OTOP1: variants seen among roughly 807,000 people sequenced by gnomAD.
OTOP1 encodes the protein proton channel OTOP1.
OTOP1 carries 59 observed loss-of-function variants against 52.9 expected under a neutral mutation model. The ratio of observed to expected loss-of-function variants is 1.12; its 90% CI spans 0.91 to 1.39. OTOP1 has a LOEUF of 1.39. Ranked by LOEUF, OTOP1 falls within the 40% of genes most tolerant of loss-of-function variation. OTOP1 has a pLI of 0.00. For missense variants in OTOP1, 761 were observed against 800.9 expected (o/e 0.95, Z 0.60); for synonymous variants, 317 against 337.7 (o/e 0.94, Z 0.67).
intron 1 of OTOP1, among the ~76,000 whole-genome samples, chr4:4,216,202 T>C (rs1196012816): frequency 2.0e-5 from 3 of 152,178 alleles, no homozygotes; most frequent in Non-Finnish European, 4.4e-5. Context: ...TCTTTGATAA[T>C]ATAATGAGCA....
intron 1 of OTOP1, among the ~76,000 whole-genome samples, chr4:4,224,699 C>T (rs1486426551): frequency 1.3e-5 from 2 of 152,214 alleles, no homozygotes; most frequent in Non-Finnish European, 2.9e-5. Flanking sequence ...TGTCAAATTT[C>T]CCCAAAAGCA....
chr4:4,198,778 G>A (rs1716710524), intron 4 of OTOP1, among the ~76,000 whole-genome samples: 1 of 152,180 alleles, frequency 6.6e-6, no homozygotes, highest in Non-Finnish European at 1.5e-5. Flanking sequence ...GGCAGATGCT[G>A]TAAGTAAATG....
chr4:4,212,941 A>G lies in OTOP1; in HGVS notation c.467T>C (p.Ile156Thr). 2 of 1,614,080 alleles carry G rather than the reference A, an allele frequency of 1.2e-6. No individual in the cohort carries two copies. The highest frequency in any genetic ancestry group is 1.1e-5 in the South Asian group (1 of 91,080). The change falls in exon 2 of 6, where the codon ATT becomes ACT. Residue 156 changes from isoleucine to threonine, a missense_variant. Physicochemically the swap from Ile to Thr is moderately conservative, Grantham distance 89 (BLOSUM62 -1). Around this residue, in one of 3 missense-constraint regions of OTOP1, gnomAD observed 632 missense variants for 619.5 expected, o/e 1.02. Coordinates refer to ENST00000296358, the MANE Select transcript of OTOP1 (RefSeq NM_177998.3). ...ILGCLKIGYF[I>T]GFSECLSATE... ...GGCTGATAAACATTCTGAAAATCCA[A>G]TGAAGTATCCAATTTTAAGGCATCC... is the stretch of plus-strand genomic sequence containing the variant.
At chr4:4,194,120 C>T (rs1166938768) in intron 5 of OTOP1, among the ~76,000 whole-genome samples, 2 of 152,114 alleles carry the variant, frequency 1.3e-5, no homozygotes, top group Non-Finnish European at 2.9e-5. Flanking sequence ...ACCTGGGAGG[C>T]GGAGGTTGCA....
chr4:4,206,142 T>C lies in OTOP1; in HGVS notation c.541-12A>G, dbSNP rs1384380737. 6.3e-7 allele frequency: 1 copy of C among 1,590,276 alleles called. No homozygotes were observed. Reference sequence around the variant, plus strand: ...CAAAGAAAATATACCTAGATGGAAATAAAGAAAGAAAAGAAAAATCGGTGA... The same window carrying C: ...CAAAGAAAATATACCTAGATGGAAACAAAGAAAGAAAAGAAAAATCGGTGA... On this transcript the variant is annotated splice_polypyrimidine_tract_variant and intron_variant, in intron 2 of 5. Coordinates refer to ENST00000296358, the MANE Select transcript of OTOP1 (RefSeq NM_177998.3).
Position 4,197,614 on chromosome 4 carries a change from C to A in OTOP1, c.1220G>T (p.Gly407Val). Residue 407 changes from glycine to valine, a missense_variant, in exon 5 of 6, where the codon GGC (glycine) becomes GTC (valine). Transcript: ENST00000296358. ...AGCACAGAGGATGGCCAAGATTGAG[C>A]CCCAGGAGATAAGCCAGGAGCCCGA... ...TASGSWLISW[G>V]SILAILCAEG... The A allele has an allele frequency of 6.2e-7, 1 of 1,613,858 alleles. No homozygotes were observed. The highest frequency in any genetic ancestry group is 8.5e-7 in the Non-Finnish European group (1 of 1,179,966).
chr4:4,207,631 C>T (rs1226833775), intron 2 of OTOP1, among the ~76,000 whole-genome samples: 1 of 150,520 alleles, frequency 6.6e-6, no homozygotes, highest in African/African-American at 2.5e-5. Flanking sequence ...GAAGTGAAAG[C>T]AAGTTCTCAC....
chr4:4,205,596 C>G (rs1479206176), intron 3 of OTOP1, among the ~76,000 whole-genome samples: 2 of 152,102 alleles, frequency 1.3e-5, no homozygotes, highest in Non-Finnish European at 2.9e-5. Flanking sequence ...ACTGTCGAAG[C>G]AAGGCCCCTA....
intron 2 of OTOP1, among the ~76,000 whole-genome samples, chr4:4,208,766 T>C (rs998610958): frequency 3.0e-5 from 4 of 132,738 alleles, no homozygotes; most frequent in African/African-American, 1.2e-4. Flanking sequence ...GTAAGTGTTA[T>C]GTGATTGTCA....
intron 5 of OTOP1, among the ~76,000 whole-genome samples, chr4:4,191,332 C>G (rs1197842434): frequency 6.6e-6 from 1 of 152,182 alleles, no homozygotes; most frequent in Non-Finnish European, 1.5e-5. Flanking sequence ...CACTAGGGCT[C>G]TACTCGGCCA....
intron 5 of OTOP1, among the ~76,000 whole-genome samples, chr4:4,189,771 C>T (rs2980110): frequency 0.11 from 17,100 of 152,266 alleles, 1,134 homozygotes; most frequent in East Asian, 0.29. Context: ...CCAGGGAGTA[C>T]TCCCGTCAAC....
At chr4:4,206,283 TCAATGGGGA>T in intron 2 of OTOP1, among the ~76,000 whole-genome samples, 153 bp from the exon 3 acceptor site, 1 of 152,202 alleles carries the variant, frequency 6.6e-6, no homozygotes, top group African/African-American at 2.4e-5. Context: ...GTGCCACTCC[TCAATGGGGA>T]CAATGATCCA....
chr4:4,202,530 A>G lies in OTOP1; in HGVS notation c.648T>C (p.Asn216=), dbSNP rs372065263. Residue 216 remains asparagine, a synonymous_variant, in exon 4 of 6, where the codon AAT becomes AAC. Coordinates refer to ENST00000296358, the MANE Select transcript of OTOP1 (RefSeq NM_177998.3). ...GGTGCTTTGACTCATTGAGGACGCC[A>G]TTGGCCCACAGAAGCAGGTTGGTGA... The part of the protein sequence containing the change: ...SVFTNLLLWA[N]GVLNESKHQL... The G allele has an allele frequency of 6.2e-7, 1 of 1,614,096 alleles. No individual in the cohort carries two copies. Among genetic ancestry groups the G allele is most frequent in the Non-Finnish European group, 8.5e-7 (1 of 1,179,976 alleles).
At chr4:4,192,656 A>C (rs2916410) in intron 5 of OTOP1, among the ~76,000 whole-genome samples, 1 of 152,060 alleles carries the variant, frequency 6.6e-6, no homozygotes, top group African/African-American at 2.4e-5. Context: ...AGGGTCCTCC[A>C]TCTCCAACAT....
rs1479283499 is a variant in OTOP1 at position 4,215,903 on chromosome 4, TG to T, written c.404-2900del. On this transcript the variant is annotated intron_variant, in intron 1 of 5. Coordinates refer to ENST00000296358, the MANE Select transcript of OTOP1 (RefSeq NM_177998.3). ...CCACCTCCTGGGTTCAAGTGATTCT[TG>T]TGCCTCAACCTCAATCCCAAGTACC... Among the ~76,000 whole-genome samples the T allele has an allele frequency of 5.3e-5, 8 of 152,220 alleles. No homozygotes were observed. The East Asian group carries it at 1.4e-3, about 26-fold the overall frequency.
chr4:4,219,995 GTATATACA>G lies in OTOP1; in HGVS notation c.403+6459_403+6466del, dbSNP rs1364196752. ...TATACACATATATACGTATATAGGT[GTATATACA>G]TATATATGTATATACATGTATATAC... is the stretch of plus-strand genomic sequence containing the variant. On this transcript the variant is annotated intron_variant, in intron 1 of 5. Coordinates refer to ENST00000296358, the MANE Select transcript of OTOP1 (RefSeq NM_177998.3). Among the ~76,000 whole-genome samples the G allele has an allele frequency of 2.4e-4, 13 of 54,556 alleles. No individual in the cohort carries two copies. In the East Asian group the frequency reaches 2.4e-3, roughly 10 times the overall value. 35.8% of individuals were successfully genotyped at this position (54,556 alleles called of 152,430 possible). A position where few individuals can be genotyped will look rare whatever the true frequency, so the allele number is the denominator to read the frequency against.
chr4:4,199,051 T>C (rs1283562531), intron 4 of OTOP1, among the ~76,000 whole-genome samples: 1 of 151,794 alleles, frequency 6.6e-6, no homozygotes, highest in Non-Finnish European at 1.5e-5. Context: ...ATTAGCCAGG[T>C]GTGGTGGCAA....
At chr4:4,221,338 T>A (rs1717297271) in intron 1 of OTOP1, among the ~76,000 whole-genome samples, 1 of 151,988 alleles carries the variant, frequency 6.6e-6, no homozygotes, top group African/African-American at 2.4e-5. Context: ...TGGGAGGAGC[T>A]CTTGAGCCCC....
chr4:4,220,105 ATTTT>A (rs1183792130), intron 1 of OTOP1, among the ~76,000 whole-genome samples: 8 of 59,398 alleles, frequency 1.3e-4, no homozygotes, highest in African/African-American at 2.6e-4. Context: ...ATATATATAT[ATTTT>A]TTTTTTTTTT....
Sources: gnomAD v4.1 joint callset for allele counts (sites outside exome capture counted in the v4.1 genomes callset) on GRCh38, gnomAD v4.1.1 for gene constraint, gnomAD v4.1.1 regional missense constraint, MANE v1.5 for transcripts, NCBI Gene and HGNC (gene_info 2026-07-23, HGNC 2026-07-21) for gene names.